PAPPA: variants seen among roughly 807,000 people sequenced by gnomAD.
PAPPA encodes the protein pappalysin-1.
PAPPA carries 60 observed loss-of-function variants against 164.0 expected under a neutral mutation model. The ratio of observed to expected loss-of-function variants is 0.37; its 90% CI spans 0.30 to 0.45. PAPPA has a LOEUF of 0.45. Ranked by LOEUF, PAPPA falls within the 20% of genes least tolerant of loss-of-function variation. The pLI is 1.00. For missense variants in PAPPA, 1,782 were observed against 2,087.3 expected (o/e 0.85, Z 2.85); for synonymous variants, 875 against 814.1 (o/e 1.07, Z -1.27).
intron 1 of PAPPA, among the ~76,000 whole-genome samples, chr9:116,176,501 C>T (rs1843836597): frequency 2.0e-5 from 3 of 152,210 alleles, no homozygotes; most frequent in South Asian, 4.2e-4. Context: ...ATAGGATGCT[C>T]ATTTTACCAA....
chr9:116,209,111 A>C (rs1420184105), intron 3 of PAPPA, among the ~76,000 whole-genome samples: 1 of 152,170 alleles, frequency 6.6e-6, no homozygotes, highest in Non-Finnish European at 1.5e-5. Context: ...CATATGGTGT[A>C]TGGGTAGATA....
rs899272811 is a variant in PAPPA, at chr9:116,223,187, C to T, written c.2111+3058C>T. ...GCCCCAGCCATCCTCACTGGGAGCA[C>T]AGAGCTGGGTTTGGGAAACCTCGTG... On this transcript the variant is annotated intron_variant, in intron 5 of 21. Transcript: ENST00000328252. Among the ~76,000 whole-genome samples, 89 of 152,226 alleles carry T rather than the reference C, an allele frequency of 5.8e-4. 1 individual carries two copies. The highest frequency in any genetic ancestry group is 2.1e-3 in the African/African-American group (87 of 41,528).
chr9:116,200,813 A>C (rs1374845048), intron 2 of PAPPA, among the ~76,000 whole-genome samples: 1 of 152,220 alleles, frequency 6.6e-6, no homozygotes, highest in East Asian at 1.9e-4. Flanking sequence ...ATATGTGGAA[A>C]GGAAAGAAAT....
chr9:116,331,335 C>T lies in PAPPA; in HGVS notation c.3239C>T (p.Ala1080Val). The change falls in exon 11 of 22, where the codon GCT becomes GTT. Residue 1080 changes from alanine (A) to valine (V), a missense_variant. Ala to Val is a moderately conservative substitution (Grantham distance 64, BLOSUM62 0). Around this residue, in one of 2 missense-constraint regions of PAPPA, gnomAD observed 1,324 missense variants for 1,656.9 expected, o/e 0.80. Coordinates refer to ENST00000328252, the MANE Select transcript of PAPPA (RefSeq NM_002581.5). ...ATCAGCTACCCATATTCCCAGCTGG[C>T]TCAGACCACTTTTTGGCTCCGGGTA... ...CTISYPYSQL[A>V]QTTFWLRAYF... 6.2e-7 allele frequency: 1 copy of T among 1,612,820 alleles called. No homozygotes were observed. Among genetic ancestry groups the T allele is most frequent in the Non-Finnish European group, 8.5e-7 (1 of 1,178,744 alleles).
chr9:116,221,019 A>G (rs1430139868), intron 5 of PAPPA, among the ~76,000 whole-genome samples: 2 of 151,956 alleles, frequency 1.3e-5, no homozygotes, highest in African/African-American at 2.4e-5. Flanking sequence ...ACTGAGGCAC[A>G]AGGTACCTCT....
intron 1 of PAPPA, among the ~76,000 whole-genome samples, chr9:116,173,390 G>A (rs1305716438): frequency 6.6e-6 from 1 of 152,132 alleles, no homozygotes; most frequent in Non-Finnish European, 1.5e-5. Context: ...CAGGAGTCCT[G>A]AGACTTTAGT....
At chr9:116,324,558 A>T (rs1381170596) in intron 10 of PAPPA, among the ~76,000 whole-genome samples, 1 of 151,906 alleles carries the variant, frequency 6.6e-6, no homozygotes, top group Non-Finnish European at 1.5e-5. Context: ...ATGAGGCTGG[A>T]CTCTATACAA....
At chr9:116,331,757 C>A (rs1845994180) in intron 11 of PAPPA, among the ~76,000 whole-genome samples, 1 of 152,172 alleles carries the variant, frequency 6.6e-6, no homozygotes, top group Admixed American at 6.5e-5. Flanking sequence ...TGTCTATGGT[C>A]TTTCTTTCTG....
intron 10 of PAPPA, among the ~76,000 whole-genome samples, chr9:116,327,573 G>T (rs915172859): frequency 2.4e-5 from 2 of 82,978 alleles, no homozygotes; most frequent in African/African-American, 7.2e-5. Flanking sequence ...AGTTGGATTT[G>T]CCTTTTTGGA....
intron 1 of PAPPA, among the ~76,000 whole-genome samples, chr9:116,186,646 G>A (rs71505569): frequency 0.011 from 1,600 of 152,212 alleles, 19 homozygotes; most frequent in Non-Finnish European, 0.018. Flanking sequence ...AACTATGGTA[G>A]GGACCTCCCT....
At chr9:116,369,309 C>A (rs1285015301) in intron 19 of PAPPA, among the ~76,000 whole-genome samples, 1 of 152,170 alleles carries the variant, frequency 6.6e-6, no homozygotes, top group African/African-American at 2.4e-5. Context: ...CTCATATACC[C>A]AGGCATGCAG....
intron 1 of PAPPA, among the ~76,000 whole-genome samples, chr9:116,174,942 T>G (rs1029440914): frequency 6.6e-6 from 1 of 152,182 alleles, no homozygotes; most frequent in African/African-American, 2.4e-5. Flanking sequence ...AATAGAAATT[T>G]TTTTCTCTGC....
At chr9:116,297,515 C>T (rs1845524437) in intron 9 of PAPPA, among the ~76,000 whole-genome samples, 1 of 152,192 alleles carries the variant, frequency 6.6e-6, no homozygotes, top group Admixed American at 6.5e-5. Context: ...ACTTATTCAC[C>T]TGAGTGATTC....
At chr9:116,252,357 A>C (rs1311276918) in intron 7 of PAPPA, among the ~76,000 whole-genome samples, 1 of 152,202 alleles carries the variant, frequency 6.6e-6, no homozygotes, top group Non-Finnish European at 1.5e-5. Context: ...TAATCCAGAC[A>C]ATGGGTTGGA....
intron 2 of PAPPA, among the ~76,000 whole-genome samples, chr9:116,205,938 C>T (rs1015882252): frequency 1.3e-5 from 2 of 152,172 alleles, no homozygotes; most frequent in East Asian, 3.9e-4. Context: ...ATCTCACCCA[C>T]TCTGTTGCAT....
rs539356509 is a variant in PAPPA at position 116,348,164 on chromosome 9, G to C, written c.3964+955G>C. The stretch of plus-strand genomic sequence containing the variant: ...ACTTTGCTTTTCCTTTGACCATACA[G>C]GGAAATATCTCTCTATTTCCATATT... On this transcript the variant is annotated intron_variant, in intron 15 of 21. Transcript: ENST00000328252. Among the ~76,000 whole-genome samples the C allele has an allele frequency of 1.4e-4, 21 of 151,932 alleles. No individual in the cohort carries two copies. In the East Asian group the frequency reaches 3.9e-3, roughly 28 times the overall value.
intron 15 of PAPPA, among the ~76,000 whole-genome samples, chr9:116,350,278 G>A (rs796625508): frequency 5.3e-5 from 8 of 152,238 alleles, no homozygotes; most frequent in African/African-American, 1.9e-4. Context: ...GAAGACAAAC[G>A]AAGGGCACAT....
chr9:116,393,944 C>T (rs974618367), intron 21 of PAPPA, among the ~76,000 whole-genome samples: 2 of 152,126 alleles, frequency 1.3e-5, no homozygotes, highest in Non-Finnish European at 2.9e-5. Flanking sequence ...TATTCTAAGA[C>T]ATATAATTTT....
At chr9:116,268,474 A>C (rs1845097505) in intron 8 of PAPPA, among the ~76,000 whole-genome samples, 1 of 152,206 alleles carries the variant, frequency 6.6e-6, no homozygotes, top group Non-Finnish European at 1.5e-5. Context: ...CTATCCAGAA[A>C]ACATTTGCAG....
Sources: gnomAD v4.1 joint callset for allele counts (sites outside exome capture counted in the v4.1 genomes callset) on GRCh38, gnomAD v4.1.1 for gene constraint, gnomAD v4.1.1 regional missense constraint, MANE v1.5 for transcripts, NCBI Gene and HGNC (gene_info 2026-07-23, HGNC 2026-07-21) for gene names.